The following KIAA2012 variants were observed in gnomAD, a reference collection of about 807,000 sequenced individuals.
The protein encoded by KIAA2012 is uncharacterized protein KIAA2012.
Under a neutral mutation model 150.6 loss-of-function variants are expected in KIAA2012, and 125 were observed. That is an observed-to-expected ratio of 0.83 (90% CI 0.72 to 0.96). The LOEUF (loss-of-function observed/expected upper bound fraction) is 0.96. Ranked by LOEUF, KIAA2012 falls within the 40% of genes least tolerant of loss-of-function variation. The probability of loss-of-function intolerance (pLI) is 0.00; values close to 1 mark genes in which losing one functional copy is unlikely to be tolerated. For missense variants in KIAA2012, 1,219 were observed against 1,354.9 expected (o/e 0.90, Z 1.57); for synonymous variants, 462 against 504.7 (o/e 0.92, Z 1.13).
intron 1 of KIAA2012, 38 bp downstream of exon 1, chr2:202,073,749 T>TGGGAGAGGAATGCTCTATGTTTCCAC: frequency 1.3e-6 from 2 of 1,526,650 alleles, no homozygotes; most frequent in East Asian, 4.9e-5. Context: ...ATTTTGGAGG[T>TGGGAGAGGAATGCTCTATGTTTCCAC]GGGAGAGGAA....
chr2:202,074,353 A>G (rs1689274297), intron 1 of KIAA2012, among the ~76,000 whole-genome samples: 1 of 152,196 alleles, frequency 6.6e-6, no homozygotes, highest in Non-Finnish European at 1.5e-5. Context: ...CGGCATATAA[A>G]GTTTCAAAGG....
At chr2:202,082,596 TAA>T (rs200520282) in intron 2 of KIAA2012, among the ~76,000 whole-genome samples, 1 of 46,144 alleles carries the variant, frequency 2.2e-5, no homozygotes, top group Admixed American at 2.3e-4. Flanking sequence ...AGTCTGTCTT[TAA>T]AAAAAAAAAA....
At chr2:202,111,456 G>A (rs1241085865) in intron 10 of KIAA2012, among the ~76,000 whole-genome samples, 1 of 138,384 alleles carries the variant, frequency 7.2e-6, no homozygotes, top group Non-Finnish European at 1.5e-5. Context: ...GTTGCAGTGA[G>A]CCGAGATAGC....
At chr2:202,133,109 A>AAAAAATAT (rs766606713) in intron 12 of KIAA2012, among the ~76,000 whole-genome samples, 11 of 87,880 alleles carry the variant, frequency 1.3e-4, no homozygotes, top group Non-Finnish European at 1.8e-4. Context: ...TCTAAAAAAA[A>AAAAAATAT]ATATATATAT....
intron 13 of KIAA2012, 28 bp downstream of exon 13, chr2:202,138,536 A>C: frequency 6.6e-7 from 1 of 1,504,480 alleles, no homozygotes; most frequent in Non-Finnish European, 9.0e-7. Context: ...AATGAGGATG[A>C]CACTAGGAGT....
At chr2:202,187,323 G>A (rs973373301) in intron 17 of KIAA2012, among the ~76,000 whole-genome samples, 4 of 151,410 alleles carry the variant, frequency 2.6e-5, no homozygotes, top group Non-Finnish European at 5.9e-5. Context: ...TTTTTTTTTG[G>A]AGACACAGTC....
chr2:202,158,398 A>G (rs950413638), intron 14 of KIAA2012, among the ~76,000 whole-genome samples: 2 of 152,236 alleles, frequency 1.3e-5, no homozygotes, highest in African/African-American at 4.8e-5. Flanking sequence ...CAGGGAGCCT[A>G]GAATCTAACA....
chr2:202,164,510 G>A (rs1041483535), intron 14 of KIAA2012, among the ~76,000 whole-genome samples: 1 of 152,190 alleles, frequency 6.6e-6, no homozygotes, highest in African/African-American at 2.4e-5. Context: ...AGGAAAGAAG[G>A]AAGAAGGGAT....
chr2:202,108,245 A>C (rs1416297757), intron 9 of KIAA2012, among the ~76,000 whole-genome samples: 3 of 152,140 alleles, frequency 2.0e-5, no homozygotes, highest in Non-Finnish European at 4.4e-5. Context: ...TTGCTTAACC[A>C]TCTGAGAGTA....
chr2:202,117,752 A>G (rs1263342945), intron 11 of KIAA2012, among the ~76,000 whole-genome samples: 2 of 152,222 alleles, frequency 1.3e-5, no homozygotes, highest in Admixed American at 1.3e-4. Context: ...TTCTAGGGCC[A>G]GATACATTTG....
At chr2:202,189,667 G>A (rs1268191941) in intron 18 of KIAA2012, among the ~76,000 whole-genome samples, 1 of 152,114 alleles carries the variant, frequency 6.6e-6, no homozygotes, top group African/African-American at 2.4e-5. Flanking sequence ...TCAAACGGTG[G>A]TGTGTGAACT....
chr2:202,203,926 T>C (rs542765487), intron 23 of KIAA2012, among the ~76,000 whole-genome samples: 2 of 152,046 alleles, frequency 1.3e-5, no homozygotes, highest in East Asian at 1.9e-4. Context: ...CCCGCCACCA[T>C]GCCTGGCTAA....
At chr2:202,196,701 C>T (rs1485414773) in intron 21 of KIAA2012, 99 bp from the exon 22 acceptor site, 4 of 1,459,216 alleles carry the variant, frequency 2.7e-6, no homozygotes, top group Non-Finnish European at 3.6e-6. Flanking sequence ...AAATTTCTCA[C>T]GGGGAGTCCT....
chr2:202,141,937 A>G (rs1462696251), intron 13 of KIAA2012, among the ~76,000 whole-genome samples: 1 of 151,254 alleles, frequency 6.6e-6, no homozygotes, highest in Non-Finnish European at 1.5e-5. Flanking sequence ...GGGAGGAAGT[A>G]AAACTAGAAA....
intron 12 of KIAA2012, among the ~76,000 whole-genome samples, chr2:202,127,831 A>C (rs1690834423): frequency 6.6e-6 from 1 of 152,058 alleles, no homozygotes; most frequent in Non-Finnish European, 1.5e-5. Flanking sequence ...GATAACATAA[A>C]ATTTGTCATC....
At position 202,204,997 on chromosome 2, in the gene KIAA2012, G is replaced by T. The variant is rs1574323296; in HGVS notation, c.*21-1G>T. 6.6e-6 allele frequency: 1 copy of T among 152,310 alleles called. No individual in the cohort carries two copies. Among genetic ancestry groups the T allele is most frequent in the South Asian group, 2.1e-4 (1 of 4,820 alleles). 9.4% of individuals were successfully genotyped at this position (152,310 alleles called of 1,614,324 possible). A position where few individuals can be genotyped will look rare whatever the true frequency, so the allele number is the denominator to read the frequency against. ...ACTTTATTTTCTCCCTTTTGTTACA[G>T]ATTTAGGATGTTGCAGTCAAGCACC... is the stretch of plus-strand genomic sequence containing the variant. On this transcript the variant is annotated splice_acceptor_variant, in intron 23 of 23. Coordinates refer to ENST00000498697, the MANE Select transcript of KIAA2012 (RefSeq NM_001277372.4). LOFTEE classifies it low-confidence loss of function (3UTR_SPLICE).
At position 202,138,492 on chromosome 2, in the gene KIAA2012, AAAC is replaced by A; in HGVS notation, c.1897_1899del (p.Thr633del). 1.9e-6 allele frequency: 3 copies of A among 1,550,146 alleles called. No individual in the cohort carries two copies. Among genetic ancestry groups the A allele is most frequent in the African/African-American group, 2.7e-5 (2 of 73,170 alleles). ...CTTTATGAAACCTCACCGTTGACCCAAACAACAGAGAAGCAGGTATAGTATTGA... is the reference window on the plus strand; with the variant it reads ...CTTTATGAAACCTCACCGTTGACCCAAACAGAGAAGCAGGTATAGTATTGA... On this transcript the variant is annotated inframe_deletion, in exon 13 of 24. Transcript: ENST00000498697.
rs1204275048 is a variant in KIAA2012 at position 202,193,542 on chromosome 2, G to A, written c.3014+39G>A. The A allele has an allele frequency of 1.0e-4, 162 of 1,544,390 alleles. No homozygotes were observed. In the East Asian group the frequency reaches 3.9e-3, roughly 37 times the overall value. On this transcript the variant is annotated intron_variant, in intron 20 of 23. Coordinates refer to ENST00000498697, the MANE Select transcript of KIAA2012 (RefSeq NM_001277372.4). Reference sequence around the variant, plus strand: ...GCCAAAGAGACTACAGCCATGTTAGGAAGCAGAAGAAAAAGACAGTGGTTG... The same window carrying A: ...GCCAAAGAGACTACAGCCATGTTAGAAAGCAGAAGAAAAAGACAGTGGTTG...
chr2:202,133,087 A>C (rs1690989292), intron 12 of KIAA2012, among the ~76,000 whole-genome samples: 1 of 126,812 alleles, frequency 7.9e-6, no homozygotes, highest in Non-Finnish European at 1.6e-5. Flanking sequence ...CCTGGGCGAC[A>C]GTGTGAGACT....
Sources: allele counts gnomAD v4.1 joint callset (sites outside exome capture counted in the v4.1 genomes callset), GRCh38; gene constraint gnomAD v4.1.1; transcripts MANE v1.5; gene names NCBI Gene and HGNC (gene_info 2026-07-23, HGNC 2026-07-21).